The following LARGE1 variants were observed in gnomAD, a reference collection of about 807,000 sequenced individuals.
LARGE1 encodes LARGE xylosyl- and glucuronyltransferase 1.
Under a neutral mutation model 87.6 loss-of-function variants are expected in LARGE1, and 43 were observed. The ratio of observed to expected loss-of-function variants is 0.49; its 90% CI spans 0.38 to 0.63. The LOEUF (loss-of-function observed/expected upper bound fraction) is 0.63. Ranked by LOEUF, LARGE1 falls within the 30% of genes least tolerant of loss-of-function variation. LARGE1 has a pLI of 0.00. For missense variants in LARGE1, 802 were observed against 1,000.2 expected (o/e 0.80, Z 2.67); for synonymous variants, 434 against 394.6 (o/e 1.10, Z -1.18).
At chr22:33,156,419 A>G in the LARGE1 span, among the ~76,000 whole-genome samples, 1 of 152,172 alleles carries the variant, frequency 6.6e-6, no homozygotes, top group African/African-American at 2.4e-5. Flanking sequence ...TGTTATCTGG[A>G]TGTGAGACAT....
At chr22:33,166,653 G>T (rs935396920) in exon 12 of LARGE1, 1 of 437,598 alleles carries the variant, frequency 2.3e-6, no homozygotes, top group Admixed American at 2.5e-5. Context: ...ATGTTCACCT[G>T]GCACGTACCA....
intron 12 of LARGE1, among the ~76,000 whole-genome samples, chr22:33,294,463 G>A (rs1157044537): frequency 6.6e-6 from 1 of 152,198 alleles, no homozygotes; most frequent in Non-Finnish European, 1.5e-5. Context: ...AAAGGGGACA[G>A]GAGGAGATAA....
chr22:33,654,686 AG>A (rs1388199224), intron 2 of LARGE1, among the ~76,000 whole-genome samples: 5 of 152,186 alleles, frequency 3.3e-5, no homozygotes, highest in African/African-American at 9.7e-5. Flanking sequence ...GGTCCCTCCC[AG>A]GAACGCTCCT....
intron 1 of LARGE1, among the ~76,000 whole-genome samples, chr22:33,839,639 A>G (rs1377725718): frequency 6.6e-6 from 1 of 152,240 alleles, no homozygotes; most frequent in African/African-American, 2.4e-5. Context: ...ACTAGTGAGA[A>G]TAAGATTTAG....
At chr22:33,226,205 A>G (rs1209520626) in intron 11 of LARGE1, among the ~76,000 whole-genome samples, 1 of 152,132 alleles carries the variant, frequency 6.6e-6, no homozygotes, top group Non-Finnish European at 1.5e-5. Flanking sequence ...CACCTCTCCT[A>G]TTGGGCTGCT....
the LARGE1 span, among the ~76,000 whole-genome samples, chr22:33,074,841 C>T: frequency 8.5e-5 from 13 of 152,208 alleles, 1 homozygote; most frequent in Middle Eastern, 0.02. Context: ...TTTAGTCCAG[C>T]ATGTTTTCTA....
intron 2 of LARGE1, among the ~76,000 whole-genome samples, chr22:33,686,125 T>C (rs1413046808): frequency 1.3e-5 from 2 of 152,312 alleles, no homozygotes; most frequent in East Asian, 1.9e-4. Context: ...TCTTTCCTTG[T>C]GGGCACCTAA....
rs191368661 is a variant in LARGE1 at position 33,304,284 on chromosome 22, T to C, written c.1675A>G (p.Met559Val). ...VAMKHISTPY[M>V]FLSDIDFLPM... ...AGGAAGTCAATGTCAGACAGGAACA[T>C]GTAGGGAGTGCTGATGTGCTTCATG... Residue 559 changes from methionine (M) to valine (V), a missense_variant, in exon 12 of 15, where the codon ATG becomes GTG. This residue lies in a region of LARGE1 where 625 missense variants were observed against 841.9 expected (regional missense o/e 0.74). Transcript: ENST00000397394. 196 of 1,614,220 alleles carry C rather than the reference T, an allele frequency of 1.2e-4. No homozygotes were observed. Among genetic ancestry groups the C allele is most frequent in the Middle Eastern group, 1.6e-4 (1 of 6,062 alleles).
intron 11 of LARGE1, among the ~76,000 whole-genome samples, chr22:33,167,248 C>A (rs938352399): frequency 3.9e-5 from 6 of 152,128 alleles, no homozygotes; most frequent in African/African-American, 1.4e-4. Context: ...TATGTCTGAA[C>A]ATTTTTCTCC....
intron 2 of LARGE1, among the ~76,000 whole-genome samples, chr22:33,716,196 G>C (rs2082902215): frequency 6.6e-6 from 1 of 152,034 alleles, no homozygotes; most frequent in African/African-American, 2.4e-5. Context: ...TTAAAATACA[G>C]GATGGCCGTT....
At chr22:33,719,828 C>T (rs543408379) in intron 2 of LARGE1, among the ~76,000 whole-genome samples, 1 of 152,070 alleles carries the variant, frequency 6.6e-6, no homozygotes, top group Non-Finnish European at 1.5e-5. Flanking sequence ...CTCATCTATA[C>T]CATATTTTTA....
chr22:33,410,816 G>A (rs1038016294), intron 7 of LARGE1, among the ~76,000 whole-genome samples: 1 of 152,014 alleles, frequency 6.6e-6, no homozygotes, highest in Non-Finnish European at 1.5e-5. Context: ...CAAAATCAAC[G>A]AACCTTGCTG....
Position 33,364,093 on chromosome 22 carries a change from C to T in LARGE1, c.1131+17826G>A, listed in dbSNP as rs547582876. ...TTTTTGAGACGGAGTCTCGCTCTGT[C>T]GCCCAGGCTGGAGTGCAGTGGCGCA... On this transcript the variant is annotated intron_variant, in intron 9 of 14. Transcript: ENST00000397394. Among the ~76,000 whole-genome samples, 34 of 131,262 alleles carry T rather than the reference C, an allele frequency of 2.6e-4. 1 individual carries two copies. The highest frequency in any genetic ancestry group is 6.3e-4 in the African/African-American group (23 of 36,330). The allele number at this position is 131,262 out of a possible 152,430, so 86.1% of individuals were successfully genotyped here.
At chr22:33,454,359 C>T (rs1448679000) in intron 6 of LARGE1, among the ~76,000 whole-genome samples, 1 of 152,016 alleles carries the variant, frequency 6.6e-6, no homozygotes, top group Non-Finnish European at 1.5e-5. Flanking sequence ...GTGGCTCACA[C>T]CTGTAATCTC....
chr22:33,509,868 A>C (rs2070970780), intron 6 of LARGE1, among the ~76,000 whole-genome samples: 1 of 152,204 alleles, frequency 6.6e-6, no homozygotes, highest in Non-Finnish European at 1.5e-5. Flanking sequence ...CAGAGAGTGA[A>C]GGAAAAGTGA....
At chr22:33,089,455 C>T in the LARGE1 span, among the ~76,000 whole-genome samples, 13 of 94,934 alleles carry the variant, frequency 1.4e-4, 1 homozygote, top group Middle Eastern at 6.3e-3. Context: ...CTTCTTCTTC[C>T]TCCTCTTCCT....
chr22:33,416,487 A>G (rs2066488297), intron 7 of LARGE1, among the ~76,000 whole-genome samples: 1 of 151,506 alleles, frequency 6.6e-6, no homozygotes, highest in Non-Finnish European at 1.5e-5. Context: ...GCCACATTGC[A>G]TTTCACTGTC....
At chr22:33,334,038 G>A (rs897515544) in intron 10 of LARGE1, among the ~76,000 whole-genome samples, 7 of 152,028 alleles carry the variant, frequency 4.6e-5, no homozygotes, top group Non-Finnish European at 7.4e-5. Flanking sequence ...AAGAAGAATT[G>A]CTTGAATCTG....
chr22:33,452,841 T>C (rs2067990270), intron 6 of LARGE1, among the ~76,000 whole-genome samples: 1 of 152,214 alleles, frequency 6.6e-6, no homozygotes, highest in Admixed American at 6.5e-5. Context: ...ACAATTCTAA[T>C]TAATGGATAC....
Sources: gnomAD v4.1 joint callset for allele counts (sites outside exome capture counted in the v4.1 genomes callset) on GRCh38, gnomAD v4.1.1 for gene constraint, gnomAD v4.1.1 regional missense constraint, MANE v1.5 for transcripts, NCBI Gene and HGNC (gene_info 2026-07-23, HGNC 2026-07-21) for gene names.